The following C1GALT1 variants were observed in gnomAD, a reference collection of about 807,000 sequenced individuals.
C1GALT1 encodes core 1 synthase, glycoprotein-N-acetylgalactosamine 3-beta-galactosyltransferase 1.
In C1GALT1, 11 loss-of-function variants were observed where a neutral mutation model predicts 31.0. The ratio of observed to expected loss-of-function variants is 0.36; its 90% CI spans 0.22 to 0.59. The LOEUF (loss-of-function observed/expected upper bound fraction) is 0.59. C1GALT1 is among the 20% of genes least tolerant of loss of function. The probability of loss-of-function intolerance (pLI) is 0.79; values close to 1 mark genes in which losing one functional copy is unlikely to be tolerated. For missense variants in C1GALT1, 424 were observed against 425.2 expected (o/e 1.00, Z 0.03); for synonymous variants, 175 against 143.6 (o/e 1.22, Z -1.56).
upstream of C1GALT1, among the ~76,000 whole-genome samples, chr7:7,182,348 G>A (rs1473811563): frequency 1.3e-5 from 2 of 152,204 alleles, no homozygotes; most frequent in Non-Finnish European, 2.9e-5. Flanking sequence ...GCGGAGAGTA[G>A]CAGACACAAG....
At chr7:7,202,285 C>T (rs1235549617) in intron 1 of C1GALT1, among the ~76,000 whole-genome samples, 13 of 152,108 alleles carry the variant, frequency 8.5e-5, no homozygotes, top group Non-Finnish European at 1.3e-4. Context: ...AGTAGTTCTT[C>T]GAGTAAAAGT....
chr7:7,247,888 C>G lies in C1GALT1; in HGVS notation c.*4161C>G, dbSNP rs1783912492. ...TCCCTATGAAATTGAAAGTAAAAGT[C>G]TAAGAATAATGCCTGCTGGCTCTCG... On this transcript the variant is annotated 3_prime_UTR_variant, in exon 4 of 4. Coordinates refer to ENST00000436587, the MANE Select transcript of C1GALT1 (RefSeq NM_020156.5). 6.6e-6 allele frequency: 1 copy of G among 151,926 alleles called. No individual in the cohort carries two copies. The highest frequency in any genetic ancestry group is 1.5e-5 in the Non-Finnish European group (1 of 67,860). 9.4% of individuals were successfully genotyped at this position (151,926 alleles called of 1,614,324 possible). A position where few individuals can be genotyped will look rare whatever the true frequency, so the allele number is the denominator to read the frequency against.
intron 1 of C1GALT1, among the ~76,000 whole-genome samples, chr7:7,185,462 T>C (rs1583741612): frequency 6.6e-6 from 1 of 152,208 alleles, no homozygotes; most frequent in East Asian, 1.9e-4. Flanking sequence ...GCAAGATGTC[T>C]GAAATCAAGA....
At chr7:7,200,179 G>C (rs9718639) in intron 1 of C1GALT1, among the ~76,000 whole-genome samples, 30 of 152,204 alleles carry the variant, frequency 2.0e-4, no homozygotes, top group Admixed American at 1.5e-3. Context: ...TGGCTGGTAC[G>C]GGTTGTTCCT....
chr7:7,181,888 A>G (rs1478212028), upstream of C1GALT1, among the ~76,000 whole-genome samples: 1 of 152,170 alleles, frequency 6.6e-6, no homozygotes, highest in Non-Finnish European at 1.5e-5. Context: ...TATTCCAAAG[A>G]CAACTTCCTT....
At chr7:7,213,434 C>T (rs1364628290) in intron 1 of C1GALT1, among the ~76,000 whole-genome samples, 2 of 152,068 alleles carry the variant, frequency 1.3e-5, no homozygotes, top group African/African-American at 4.8e-5. Context: ...GTATTATTTA[C>T]CGAAATATAA....
chr7:7,219,793 A>G (rs1468194396), intron 1 of C1GALT1, among the ~76,000 whole-genome samples: 1 of 152,164 alleles, frequency 6.6e-6, no homozygotes, highest in East Asian at 1.9e-4. Flanking sequence ...TTTTAAGCAC[A>G]TAATTGTAAT....
chr7:7,160,345 C>A (rs1403479535), intron 2 of C1GALT1, among the ~76,000 whole-genome samples: 1 of 152,156 alleles, frequency 6.6e-6, no homozygotes, highest in African/African-American at 2.4e-5. Context: ...AACCCCTAAT[C>A]CCTGCCATTT....
At chr7:7,218,799 TAA>T (rs1385027916) in intron 1 of C1GALT1, among the ~76,000 whole-genome samples, 1 of 152,130 alleles carries the variant, frequency 6.6e-6, no homozygotes, top group African/African-American at 2.4e-5. Flanking sequence ...TAATTGGGTT[TAA>T]AATCAAATTG....
At chr7:7,182,013 G>A (rs1359148222), upstream of C1GALT1, among the ~76,000 whole-genome samples, 1 of 152,164 alleles carries the variant, frequency 6.6e-6, no homozygotes, top group African/African-American at 2.4e-5. Flanking sequence ...TGTGCCTATA[G>A]AAAGCTTTCT....
At chr7:7,227,630 G>T (rs955355298) in intron 1 of C1GALT1, among the ~76,000 whole-genome samples, 2 of 150,574 alleles carry the variant, frequency 1.3e-5, no homozygotes, top group African/African-American at 4.9e-5. Context: ...TGAGGCAGGA[G>T]AATGGCGTGA....
chr7:7,172,259 A>G (rs1173686547), intron 2 of C1GALT1, among the ~76,000 whole-genome samples: 1 of 152,180 alleles, frequency 6.6e-6, no homozygotes, highest in Non-Finnish European at 1.5e-5. Context: ...ACCCACTTAA[A>G]TATGTCACTC....
rs1783223283 is a variant in C1GALT1, at chr7:7,234,143, T to A, written c.-17-160T>A. 13 of 612,606 alleles carry A rather than the reference T, an allele frequency of 2.1e-5. No individual in the cohort carries two copies. The South Asian group carries it at 2.7e-4, about 13-fold the overall frequency. 37.9% of individuals were successfully genotyped at this position (612,606 alleles called of 1,614,324 possible). ...ATCTGGTTTTATGGATTTTCCATAA[T>A]GTGCTGTTTTAGCAGCAAATAGAGG... is the stretch of plus-strand genomic sequence containing the variant. On this transcript the variant is annotated intron_variant, in intron 1 of 3. Transcript: ENST00000436587.
intron 2 of C1GALT1, among the ~76,000 whole-genome samples, chr7:7,173,393 A>G (rs867485643): frequency 2.0e-5 from 3 of 152,218 alleles, no homozygotes; most frequent in South Asian, 4.2e-4. Flanking sequence ...CTGCAGAACC[A>G]TGAGCCAGTT....
At chr7:7,163,693 C>T (rs893055137) in intron 2 of C1GALT1, among the ~76,000 whole-genome samples, 3 of 152,010 alleles carry the variant, frequency 2.0e-5, no homozygotes, top group African/African-American at 7.2e-5. Context: ...GAGAGCCAAA[C>T]CATGAGTGAA....
chr7:7,162,988 TGAG>T, intron 2 of C1GALT1, among the ~76,000 whole-genome samples: 1 of 151,942 alleles, frequency 6.6e-6, no homozygotes. Context: ...TAAATTTGTT[TGAG>T]TTCATTGCAG....
chr7:7,161,602 C>G (rs767381194), intron 2 of C1GALT1, among the ~76,000 whole-genome samples: 17 of 152,018 alleles, frequency 1.1e-4, no homozygotes, highest in Non-Finnish European at 2.4e-4. Flanking sequence ...CCAGCACAAC[C>G]ACTAGAAAAG....
At position 7,201,014 on chromosome 7, in the gene C1GALT1, A is replaced by G. The variant is rs867180740; in HGVS notation, c.-18+18194A>G. On this transcript the variant is annotated intron_variant, in intron 1 of 3. Transcript: ENST00000436587. ...CTTCTTCTCTCAACTCGTCAAAGTCATTCTCCGTCCAGCTTTGTTCTGTTG... is the reference window on the plus strand; with the variant it reads ...CTTCTTCTCTCAACTCGTCAAAGTCGTTCTCCGTCCAGCTTTGTTCTGTTG... 7.2e-5 allele frequency among the ~76,000 whole-genome samples: 11 copies of G among 152,330 alleles called. No individual in the cohort carries two copies. In the South Asian group the frequency reaches 2.3e-3, roughly 32 times the overall value.
intron 1 of C1GALT1, among the ~76,000 whole-genome samples, chr7:7,213,220 T>A (rs1326922263): frequency 6.6e-6 from 1 of 152,172 alleles, no homozygotes; most frequent in Non-Finnish European, 1.5e-5. Flanking sequence ...TAATATAGCT[T>A]GATTATAAAC....
Sources: gnomAD v4.1 joint callset for allele counts (sites outside exome capture counted in the v4.1 genomes callset) on GRCh38, gnomAD v4.1.1 for gene constraint, MANE v1.5 for transcripts, NCBI Gene and HGNC (gene_info 2026-07-23, HGNC 2026-07-21) for gene names.